CNBD1: variants seen among roughly 807,000 people sequenced by gnomAD.
CNBD1 encodes the protein cyclic nucleotide-binding domain-containing protein 1.
In CNBD1, 71 loss-of-function variants were observed where a neutral mutation model predicts 54.4. That is an observed-to-expected ratio of 1.30 (90% CI 1.08 to 1.59). CNBD1 has a LOEUF of 1.59. Ranked by LOEUF, CNBD1 falls within the 40% of genes most tolerant of loss-of-function variation. CNBD1 has a pLI of 0.00. For synonymous variants in CNBD1, 182 were observed against 170.7 expected (o/e 1.07, Z -0.51); for missense variants, 659 against 518.0 (o/e 1.27, Z -2.64).
intron 4 of CNBD1, among the ~76,000 whole-genome samples, chr8:87,047,435 T>C (rs1444179014): frequency 6.6e-6 from 1 of 152,160 alleles, no homozygotes; most frequent in African/African-American, 2.4e-5. Flanking sequence ...AACCCAGCAA[T>C]TAGTCTTGCT....
intron 3 of CNBD1, among the ~76,000 whole-genome samples, chr8:86,922,617 G>A (rs1172140074): frequency 1.3e-5 from 2 of 152,092 alleles, no homozygotes; most frequent in Non-Finnish European, 1.5e-5. Context: ...TTTGCTTGCA[G>A]TAAAGTGGAA....
At chr8:87,387,332 C>A (rs962069506), downstream of CNBD1, among the ~76,000 whole-genome samples, 36 of 152,034 alleles carry the variant, frequency 2.4e-4, no homozygotes, top group African/African-American at 7.7e-4. Flanking sequence ...AGAGCCAAGA[C>A]CCATCAATGT....
intron 4 of CNBD1, among the ~76,000 whole-genome samples, chr8:87,084,601 T>C (rs2130670094): frequency 6.6e-6 from 1 of 152,278 alleles, no homozygotes; most frequent in African/African-American, 2.4e-5. Flanking sequence ...TTTTTTTCTG[T>C]CTGCTTTCAA....
chr8:87,210,995 C>T (rs1814086098), intron 5 of CNBD1, among the ~76,000 whole-genome samples: 1 of 152,148 alleles, frequency 6.6e-6, no homozygotes, highest in African/African-American at 2.4e-5. Context: ...CCCCTGAGAG[C>T]AACCTCAGGG....
chr8:87,336,508 C>A (rs1347190981), intron 8 of CNBD1, among the ~76,000 whole-genome samples: 1 of 152,010 alleles, frequency 6.6e-6, no homozygotes, highest in Non-Finnish European at 1.5e-5. Context: ...CTTGTGTATG[C>A]TTCATGAAGT....
At chr8:87,416,417 A>G (rs1430560532) in intron 2 of CNBD1, among the ~76,000 whole-genome samples, 1 of 152,036 alleles carries the variant, frequency 6.6e-6, no homozygotes, top group Admixed American at 6.6e-5. Flanking sequence ...GAGTGAGACC[A>G]ATGAACTTTG....
At chr8:86,916,247 A>G (rs1348853184) in intron 3 of CNBD1, among the ~76,000 whole-genome samples, 2 of 152,164 alleles carry the variant, frequency 1.3e-5, no homozygotes, top group Non-Finnish European at 2.9e-5. Context: ...AGTGTATTAA[A>G]AAGTTTCAGA....
Position 86,870,582 on chromosome 8 carries a change from T to A in CNBD1, c.88+3999T>A, listed in dbSNP as rs114604870. Among the ~76,000 whole-genome samples, 592 of 152,306 alleles carry A rather than the reference T, an allele frequency of 3.9e-3. 7 individuals carry two copies. Among genetic ancestry groups the A allele is most frequent in the African/African-American group, 0.013 (526 of 41,562 alleles). ...ATTTACTGCAAATCTGAAAACACTGTGTCATCATTCCTAAGCGTTCAAAGG... is the reference window on the plus strand; with the variant it reads ...ATTTACTGCAAATCTGAAAACACTGAGTCATCATTCCTAAGCGTTCAAAGG... On this transcript the variant is annotated intron_variant, in intron 1 of 10. Coordinates refer to ENST00000518476, the MANE Select transcript of CNBD1 (RefSeq NM_173538.3).
At position 86,881,518 on chromosome 8, in the gene CNBD1, A is replaced by G. The variant is rs1275248925; in HGVS notation, c.89-6024A>G. 2.6e-5 allele frequency among the ~76,000 whole-genome samples: 4 copies of G among 152,212 alleles called. 1 individual carries two copies. The South Asian group carries it at 6.2e-4, about 24-fold the overall frequency. On this transcript the variant is annotated intron_variant, in intron 1 of 10. Coordinates refer to ENST00000518476, the MANE Select transcript of CNBD1 (RefSeq NM_173538.3). ...AAACAACTGCTCAAATAAATCAGAA[A>G]TGACACAAACAAATGGAAAACCATT...
intron 2 of CNBD1, among the ~76,000 whole-genome samples, chr8:87,389,169 C>T (rs973479956): frequency 1.3e-5 from 2 of 152,122 alleles, no homozygotes; most frequent in East Asian, 3.9e-4. Context: ...AAACTGGAAG[C>T]ATTCCCTTTG....
chr8:87,025,429 C>G lies in CNBD1; in HGVS notation c.431+85675C>G, dbSNP rs116088540. On this transcript the variant is annotated intron_variant, in intron 4 of 10. Transcript: ENST00000518476. ...TAACACTCTCTGCGAAGGTCTGTGG[C>G]TTTACTCCTGAAGTCAGGAAGACAA... is the stretch of plus-strand genomic sequence containing the variant. 8.7e-3 allele frequency among the ~76,000 whole-genome samples: 1,318 copies of G among 152,302 alleles called. 21 individuals are homozygous for G. The highest frequency in any genetic ancestry group is 0.029 in the African/African-American group (1,214 of 41,552).
At chr8:87,337,981 A>G (rs1313584086) in intron 8 of CNBD1, among the ~76,000 whole-genome samples, 1 of 152,080 alleles carries the variant, frequency 6.6e-6, no homozygotes, top group Non-Finnish European at 1.5e-5. Flanking sequence ...TTTGTCTTCT[A>G]TATTGTCTTT....
At chr8:87,105,550 AC>A (rs998162156) in intron 4 of CNBD1, among the ~76,000 whole-genome samples, 5 of 152,000 alleles carry the variant, frequency 3.3e-5, no homozygotes, top group Non-Finnish European at 7.4e-5. Context: ...CCCTTGATAA[AC>A]CCTTCTGTTT....
intron 4 of CNBD1, among the ~76,000 whole-genome samples, chr8:87,197,072 TG>T (rs1206128828): frequency 1.3e-5 from 2 of 152,162 alleles, no homozygotes; most frequent in Admixed American, 1.3e-4. Flanking sequence ...GTATGTGGTC[TG>T]GATAACTCAT....
intron 2 of CNBD1, among the ~76,000 whole-genome samples, chr8:86,902,743 C>T (rs16894794): frequency 0.022 from 3,306 of 151,852 alleles, 122 homozygotes; most frequent in African/African-American, 0.076. Context: ...TGGTAAATCA[C>T]GAAAAACATC....
rs757041701 is a variant in CNBD1 at position 87,256,929 on chromosome 8, G to A, written c.771+19817G>A. Among the ~76,000 whole-genome samples the A allele has an allele frequency of 2.0e-3, 304 of 152,044 alleles. 3 individuals carry two copies. The highest frequency in any genetic ancestry group is 1.2e-3 in the East Asian group (6 of 5,146). ...TGTTCTCATAAGATCCAATCTTCGGGTTCTAGATTGTGAAGGGGTTGTCCT... is the reference window on the plus strand; with the variant it reads ...TGTTCTCATAAGATCCAATCTTCGGATTCTAGATTGTGAAGGGGTTGTCCT... On this transcript the variant is annotated intron_variant, in intron 6 of 10. Transcript: ENST00000518476.
intron 6 of CNBD1, among the ~76,000 whole-genome samples, chr8:87,261,627 C>T (rs1162965529): frequency 6.6e-6 from 1 of 150,914 alleles, no homozygotes; most frequent in Non-Finnish European, 1.5e-5. Flanking sequence ...CTTATTTGAA[C>T]AGAATTTGAA....
rs1810574474 is a variant in CNBD1, at chr8:87,062,909, A to G, written c.431+123155A>G. Among the ~76,000 whole-genome samples, 3 of 152,230 alleles carry G rather than the reference A, an allele frequency of 2.0e-5. No homozygotes were observed. In the East Asian group the frequency reaches 5.8e-4, roughly 29 times the overall value. ...AAAAAAAAGTTAGGATTTTAGCTAA[A>G]TATAATCATAGTACAAGCCGTCTAC... On this transcript the variant is annotated intron_variant, in intron 4 of 10. Transcript: ENST00000518476.
At position 87,381,569 on chromosome 8, in the gene CNBD1, C is replaced by A. The variant is rs557437721; in HGVS notation, c.1304-1051C>A. 5.3e-5 allele frequency among the ~76,000 whole-genome samples: 8 copies of A among 151,990 alleles called. No homozygotes were observed. In the East Asian group the frequency reaches 1.4e-3, roughly 26 times the overall value. ...AATTGGGATCTCAAAGAGATATTAG[C>A]AGTACCATGTTAATTGCAGCATTAT... On this transcript the variant is annotated intron_variant, in intron 10 of 10. Coordinates refer to ENST00000518476, the MANE Select transcript of CNBD1 (RefSeq NM_173538.3).
Sources: gnomAD v4.1 joint callset for allele counts (sites outside exome capture counted in the v4.1 genomes callset) on GRCh38, gnomAD v4.1.1 for gene constraint, MANE v1.5 for transcripts, NCBI Gene and HGNC (gene_info 2026-07-23, HGNC 2026-07-21) for gene names.